GALNT11: variants seen among roughly 807,000 people sequenced by gnomAD.
GALNT11 encodes the protein polypeptide N-acetylgalactosaminyltransferase 11, also known as UDP-GalNAc:polypeptide N-acetylgalactosaminyltransferase 11.
A neutral mutation model predicts 72.7 loss-of-function variants in GALNT11; 47 were observed. That is an observed-to-expected ratio of 0.65 (90% CI 0.51 to 0.82). The LOEUF (loss-of-function observed/expected upper bound fraction) is 0.82. GALNT11 is among the 40% of genes least tolerant of loss of function. The probability of loss-of-function intolerance (pLI) is 0.00; values close to 1 mark genes in which losing one functional copy is unlikely to be tolerated. For synonymous variants in GALNT11, 270 were observed against 286.6 expected (o/e 0.94, Z 0.58); for missense variants, 677 against 778.4 (o/e 0.87, Z 1.55).
At chr7:152,035,581 A>G (rs936660474) in intron 1 of GALNT11, among the ~76,000 whole-genome samples, 11 of 152,168 alleles carry the variant, frequency 7.2e-5, no homozygotes, top group Non-Finnish European at 1.3e-4. Flanking sequence ...GAAGTACAGG[A>G]AAAGCGGAAA....
At chr7:152,058,747 C>G (rs903127999) in intron 1 of GALNT11, among the ~76,000 whole-genome samples, 9 of 152,204 alleles carry the variant, frequency 5.9e-5, no homozygotes, top group African/African-American at 1.9e-4. Flanking sequence ...GAACTTCTTT[C>G]AAAATTAGAG....
intron 1 of GALNT11, among the ~76,000 whole-genome samples, chr7:152,066,430 GCTGCACCCACTGTC>G (rs1408614863): frequency 1.3e-5 from 2 of 152,156 alleles, no homozygotes; most frequent in Non-Finnish European, 2.9e-5. Context: ...CACTCAGTAG[GCTGCACCCACTGTC>G]CTGCACCCAC....
chr7:152,039,011 G>A (rs1203606054), intron 1 of GALNT11, among the ~76,000 whole-genome samples: 1 of 152,058 alleles, frequency 6.6e-6, no homozygotes, highest in Non-Finnish European at 1.5e-5. Flanking sequence ...CTCCTACAAT[G>A]GGCCATATCA....
intron 1 of GALNT11, among the ~76,000 whole-genome samples, chr7:152,087,026 A>T (rs2085691343): frequency 6.6e-6 from 1 of 151,284 alleles, no homozygotes; most frequent in Non-Finnish European, 1.5e-5. Flanking sequence ...TATTACAGTA[A>T]TTTTTTTCAT....
At chr7:152,107,767 T>G (rs2087739874) in intron 5 of GALNT11, 1 of 306,194 alleles carries the variant, frequency 3.3e-6, no homozygotes, top group Admixed American at 4.4e-5. Flanking sequence ...CTGAAGAGAT[T>G]CTGAATTGCC....
intron 1 of GALNT11, chr7:152,079,424 T>G (rs1388880764): frequency 6.6e-6 from 1 of 152,222 alleles, no homozygotes; most frequent in Non-Finnish European, 1.5e-5. Flanking sequence ...TGCCATGTTG[T>G]TTGTCCTTTT....
chr7:152,121,834 G>T lies in GALNT11; in HGVS notation c.*157G>T. On this transcript the variant is annotated 3_prime_UTR_variant, in exon 12 of 12. Coordinates refer to ENST00000430044, the MANE Select transcript of GALNT11 (RefSeq NM_022087.4). The stretch of plus-strand genomic sequence containing the variant: ...GATGCCTGGGTGTGTTAGCAGAGGT[G>T]ACACGTGTCTGACAGAGACGGGAGC... 1.1e-6 allele frequency: 1 copy of T among 871,450 alleles called. No homozygotes were observed. The allele number at this position is 871,450 out of a possible 1,614,324, so 54.0% of individuals were successfully genotyped here.
At chr7:152,065,452 C>T (rs1336830242) in intron 1 of GALNT11, among the ~76,000 whole-genome samples, 3 of 152,224 alleles carry the variant, frequency 2.0e-5, no homozygotes, top group Non-Finnish European at 1.5e-5. Flanking sequence ...TCGTCAAAGT[C>T]ATTCTCCATC....
chr7:152,077,111 TCA>T (rs2085031083), intron 1 of GALNT11, among the ~76,000 whole-genome samples: 2 of 152,338 alleles, frequency 1.3e-5, no homozygotes, highest in African/African-American at 4.8e-5. Context: ...CAAGATTCTG[TCA>T]CAGTTTGATT....
At chr7:152,042,466 G>A (rs560210041) in intron 1 of GALNT11, among the ~76,000 whole-genome samples, 16 of 152,300 alleles carry the variant, frequency 1.1e-4, no homozygotes, top group Non-Finnish European at 1.6e-4. Flanking sequence ...AAAGCCTCCA[G>A]TTTCTCTTTA....
Position 152,053,426 on chromosome 7 carries a change from T to A in GALNT11, c.-39+27542T>A, listed in dbSNP as rs557683995. 6.6e-5 allele frequency among the ~76,000 whole-genome samples: 10 copies of A among 152,330 alleles called. No individual in the cohort carries two copies. The South Asian group carries it at 1.7e-3, about 25-fold the overall frequency. ...CTTGAAATATTTCAGTATTTGGCCA[T>A]TGGAATTTTAATCCTTAAAGCCAAC... On this transcript the variant is annotated intron_variant, in intron 1 of 11. Coordinates refer to ENST00000430044, the MANE Select transcript of GALNT11 (RefSeq NM_022087.4).
chr7:152,076,135 G>A lies in GALNT11; in HGVS notation c.-38-18055G>A, dbSNP rs1458875978. On this transcript the variant is annotated intron_variant, in intron 1 of 11. Coordinates refer to ENST00000430044, the MANE Select transcript of GALNT11 (RefSeq NM_022087.4). ...ATCGCTTTTTTAATGTTCTGTTCCT[G>A]CAAGTATGAAGATATGTTACTGCTT... 4.7e-5 allele frequency among the ~76,000 whole-genome samples: 7 copies of A among 148,620 alleles called. No homozygotes were observed. The East Asian group carries it at 1.4e-3, about 29-fold the overall frequency.
chr7:152,079,664 T>G (rs1332491426), intron 1 of GALNT11, among the ~76,000 whole-genome samples: 1 of 152,242 alleles, frequency 6.6e-6, no homozygotes, highest in Non-Finnish European at 1.5e-5. Flanking sequence ...AGCAATCGCC[T>G]TATGTGTAAT....
chr7:152,099,588 G>C (rs141673879), intron 2 of GALNT11, among the ~76,000 whole-genome samples: 2 of 115,910 alleles, frequency 1.7e-5, no homozygotes, highest in South Asian at 3.0e-4. Flanking sequence ...GGGTTTCACC[G>C]TGTTGGCCAG....
At position 152,113,712 on chromosome 7, in the gene GALNT11, CTTTTTTTTTTTTTTTTTTTTTT is replaced by C. The variant is rs6150397; in HGVS notation, c.1233+335_1233+356del. Among the ~76,000 whole-genome samples, 238 of 97,018 alleles carry C rather than the reference CTTTTTTTTTTTTTTTTTTTTTT, an allele frequency of 2.5e-3. 1 individual carries two copies. The highest frequency in any genetic ancestry group is 3.3e-3 in the Non-Finnish European group (164 of 49,514). 63.6% of individuals were successfully genotyped at this position (97,018 alleles called of 152,430 possible). ...TGTGACGCCTGCAAAAGTTGGCTTT[CTTTTTTTTTTTTTTTTTTTTTT>C]TTTTTTTTTTTTTTTTTTTTGAGAC... On this transcript the variant is annotated intron_variant, in intron 8 of 11. Transcript: ENST00000430044.
At chr7:152,034,806 C>T (rs983348906) in intron 1 of GALNT11, among the ~76,000 whole-genome samples, 2 of 152,070 alleles carry the variant, frequency 1.3e-5, no homozygotes, top group South Asian at 2.1e-4. Flanking sequence ...CAAGGAGGAC[C>T]GAGGAAGGTC....
chr7:152,103,967 G>A (rs1204258068), intron 4 of GALNT11: 2 of 152,202 alleles, frequency 1.3e-5, no homozygotes, highest in Non-Finnish European at 1.5e-5. Context: ...AAAGTGGATT[G>A]CATTCTGATA....
At chr7:152,118,910 AGTGTT>A in intron 10 of GALNT11, 128 bp downstream of exon 10, 1 of 643,116 alleles carries the variant, frequency 1.6e-6, no homozygotes. Flanking sequence ...ATTTCTGTGT[AGTGTT>A]GCGTTATTGG....
chr7:152,103,006 T>C, intron 3 of GALNT11, 106 bp from the exon 4 acceptor site: 1 of 757,794 alleles, frequency 1.3e-6, no homozygotes, highest in South Asian at 3.4e-5. Context: ...AGGCAGGGGG[T>C]GGGGGAAGAG....
Sources: gnomAD v4.1 joint callset for allele counts (sites outside exome capture counted in the v4.1 genomes callset) on GRCh38, gnomAD v4.1.1 for gene constraint, MANE v1.5 for transcripts, NCBI Gene and HGNC (gene_info 2026-07-23, HGNC 2026-07-21) for gene names.